AOPEP: variants seen among roughly 807,000 people sequenced by gnomAD.
AOPEP encodes aminopeptidase O (putative).
A neutral mutation model predicts 98.1 loss-of-function variants in AOPEP; 77 were observed. The observed-to-expected ratio is 0.78, with a 90% confidence interval of 0.65 to 0.95. The LOEUF is 0.95. AOPEP is among the 40% of genes least tolerant of loss of function. The pLI is 0.00. For synonymous variants in AOPEP, 346 were observed against 365.3 expected (o/e 0.95, Z 0.60); for missense variants, 1,024 against 1,024.7 (o/e 1.00, Z 0.01).
chr9:94,818,209 G>A (rs1260456539), intron 5 of AOPEP, among the ~76,000 whole-genome samples: 1 of 152,206 alleles, frequency 6.6e-6, no homozygotes, highest in Non-Finnish European at 1.5e-5. Context: ...AAGATTATGT[G>A]TAGATGCCGT....
At chr9:95,039,225 G>A (rs977895439) in intron 13 of AOPEP, among the ~76,000 whole-genome samples, 1 of 152,120 alleles carries the variant, frequency 6.6e-6, no homozygotes, top group South Asian at 2.1e-4. Context: ...AAGAAAAGTA[G>A]TATTGTGGGC....
chr9:94,757,895 A>G (rs911732079), intron 1 of AOPEP, among the ~76,000 whole-genome samples: 1 of 152,218 alleles, frequency 6.6e-6, no homozygotes, highest in East Asian at 1.9e-4. Flanking sequence ...AGAAATAGCC[A>G]ATGGATTTAT....
intron 13 of AOPEP, among the ~76,000 whole-genome samples, chr9:95,023,469 C>T (rs993882702): frequency 2.0e-5 from 3 of 152,224 alleles, no homozygotes. Context: ...GGCCACTCTG[C>T]CCTAGTCAAA....
intron 11 of AOPEP, among the ~76,000 whole-genome samples, chr9:94,982,286 T>C (rs1373127199): frequency 6.6e-6 from 1 of 152,176 alleles, no homozygotes; most frequent in Non-Finnish European, 1.5e-5. Flanking sequence ...TTTCTCTCCC[T>C]CTTTAAAAGT....
intron 1 of AOPEP, among the ~76,000 whole-genome samples, chr9:94,739,099 C>T (rs1483968070): frequency 1.3e-5 from 2 of 152,174 alleles, no homozygotes; most frequent in Non-Finnish European, 2.9e-5. Context: ...AACTGCTCTC[C>T]TCCTGAAGGC....
chr9:95,052,590 T>C (rs991887880), intron 13 of AOPEP, among the ~76,000 whole-genome samples: 10 of 152,204 alleles, frequency 6.6e-5, no homozygotes, highest in Non-Finnish European at 1.2e-4. Flanking sequence ...TATAGGGCTG[T>C]ATAAAAAACA....
intron 5 of AOPEP, among the ~76,000 whole-genome samples, chr9:94,856,252 A>G (rs1588564283): frequency 6.6e-6 from 1 of 152,080 alleles, no homozygotes; most frequent in South Asian, 2.1e-4. Flanking sequence ...TGTGGCGGGT[A>G]AGGACTCAGG....
At chr9:94,730,982 C>A (rs1043950196) in intron 1 of AOPEP, among the ~76,000 whole-genome samples, 2 of 152,102 alleles carry the variant, frequency 1.3e-5, no homozygotes, top group Non-Finnish European at 1.5e-5. Context: ...AGGTTGTTGG[C>A]GCTGAGTAGG....
At chr9:94,951,691 C>A (rs66993340) in intron 7 of AOPEP, among the ~76,000 whole-genome samples, 23,186 of 152,172 alleles carry the variant, frequency 0.15, 3,962 homozygotes, top group African/African-American at 0.42. Context: ...ACACACAATA[C>A]AAAGTCAGAA....
intron 5 of AOPEP, among the ~76,000 whole-genome samples, chr9:94,847,173 CTCTCTCTG>C (rs1326074377): frequency 8.7e-5 from 13 of 149,846 alleles, no homozygotes; most frequent in Admixed American, 4.7e-4. Context: ...CTCTCTCTCT[CTCTCTCTG>C]TCTCTGTCTC....
chr9:95,100,638 T>C, the AOPEP span: 1 of 229,580 alleles, frequency 4.4e-6, no homozygotes, highest in Non-Finnish European at 8.6e-6. Flanking sequence ...ACACTAACAA[T>C]GCCTTTTTTT....
intron 5 of AOPEP, among the ~76,000 whole-genome samples, chr9:94,920,003 T>TG (rs1391144859): frequency 6.6e-6 from 1 of 152,144 alleles, no homozygotes; most frequent in Non-Finnish European, 1.5e-5. Flanking sequence ...AAAGTAAACT[T>TG]GCGGCCAGGC....
At chr9:95,029,009 G>A (rs969792409) in intron 13 of AOPEP, among the ~76,000 whole-genome samples, 16 of 152,238 alleles carry the variant, frequency 1.1e-4, no homozygotes, top group African/African-American at 3.4e-4. Context: ...GGTGAGGAAC[G>A]CACATGGGGC....
the AOPEP span, chr9:95,109,619 C>T: frequency 6.6e-6 from 1 of 152,306 alleles, no homozygotes; most frequent in Middle Eastern, 3.4e-3. Context: ...GGCCTTCTCA[C>T]AGGCAGGACA....
chr9:95,012,561 A>G (rs947585388), intron 13 of AOPEP, among the ~76,000 whole-genome samples: 2 of 152,192 alleles, frequency 1.3e-5, no homozygotes, highest in African/African-American at 4.8e-5. Context: ...CCTGGGTCTC[A>G]TATGGCACTA....
intron 14 of AOPEP, among the ~76,000 whole-genome samples, chr9:95,070,535 A>G (rs1410344837): frequency 6.6e-6 from 1 of 152,246 alleles, no homozygotes; most frequent in Non-Finnish European, 1.5e-5. Context: ...ACTGTGCATT[A>G]TAATTTCAGA....
intron 1 of AOPEP, among the ~76,000 whole-genome samples, chr9:94,743,165 T>C (rs947738643): frequency 5.7e-4 from 39 of 68,898 alleles, no homozygotes; most frequent in African/African-American, 2.1e-3. Flanking sequence ...CTTTGCAATA[T>C]AAAAGAAGAA....
chr9:94,844,872 G>C lies in AOPEP; in HGVS notation c.1364+43870G>C, dbSNP rs79296388. On this transcript the variant is annotated intron_variant, in intron 5 of 16. Coordinates refer to ENST00000375315, the MANE Select transcript of AOPEP (RefSeq NM_001193329.3). ...GTTCAGGTGGGATGGTATGGTACCT[G>C]TGAGGCCAGGGTACAAGTTACCTGA... is the stretch of plus-strand genomic sequence containing the variant. Among the ~76,000 whole-genome samples, 1,125 of 152,284 alleles carry C rather than the reference G, an allele frequency of 7.4e-3. 15 individuals carry two copies. Among genetic ancestry groups the C allele is most frequent in the African/African-American group, 0.026 (1,086 of 41,544 alleles).
rs1848055545 is a variant in AOPEP, at chr9:94,800,810, C to T, written c.1172C>T (p.Ser391Phe). ...MEYPCRFQNA[S>F]ATTQEIIPHR... The stretch of plus-strand genomic sequence containing the variant: ...TACCCCTGCCGCTTCCAGAATGCTT[C>T]TGCCACCACCCAGGAGATCATTCCT... Residue 391 changes from serine (S) to phenylalanine (F), a missense_variant, in exon 5 of 17, where the codon TCT becomes TTT. This residue lies in a region of AOPEP where 566 missense variants were observed against 551.7 expected (regional missense o/e 1.03). Coordinates refer to ENST00000375315, the MANE Select transcript of AOPEP (RefSeq NM_001193329.3). The T allele has an allele frequency of 6.2e-7, 1 of 1,614,102 alleles. No homozygotes were observed. Among genetic ancestry groups the T allele is most frequent in the Non-Finnish European group, 8.5e-7 (1 of 1,180,038 alleles).
Sources: gnomAD v4.1 joint callset for allele counts (sites outside exome capture counted in the v4.1 genomes callset) on GRCh38, gnomAD v4.1.1 for gene constraint, gnomAD v4.1.1 regional missense constraint, MANE v1.5 for transcripts, NCBI Gene and HGNC (gene_info 2026-07-23, HGNC 2026-07-21) for gene names.